Variants in CNTNAP2 observed in about 807,000 individuals in gnomAD.
CNTNAP2 encodes the protein contactin-associated protein-like 2.
CNTNAP2 carries 98 observed loss-of-function variants against 155.2 expected under a neutral mutation model. That is an observed-to-expected ratio of 0.63 (90% CI 0.54 to 0.75). The LOEUF (loss-of-function observed/expected upper bound fraction) is 0.75. Ranked by LOEUF, CNTNAP2 falls within the 30% of genes least tolerant of loss-of-function variation. CNTNAP2 has a pLI of 0.00. For missense variants in CNTNAP2, 1,727 were observed against 1,688.1 expected (o/e 1.02, Z -0.40); for synonymous variants, 651 against 631.2 (o/e 1.03, Z -0.47).
chr7:147,795,749 C>T (rs1797883331), intron 13 of CNTNAP2, among the ~76,000 whole-genome samples: 1 of 152,120 alleles, frequency 6.6e-6, no homozygotes. Context: ...CTGTTATTAA[C>T]TAGTTGAATG....
intron 1 of CNTNAP2, among the ~76,000 whole-genome samples, chr7:146,665,243 C>A (rs1296695723): frequency 6.6e-6 from 1 of 152,114 alleles, no homozygotes; most frequent in East Asian, 1.9e-4. Flanking sequence ...GCCACCGCGC[C>A]CGGCGTCTTG....
At chr7:146,535,227 T>TATATTATATCATATATCATATATATG (rs1797841258) in intron 1 of CNTNAP2, among the ~76,000 whole-genome samples, 1 of 18,432 alleles carries the variant, frequency 5.4e-5, no homozygotes, top group Non-Finnish European at 8.7e-5. Context: ...TTATATCATA[T>TATATTATATCATATATCATATATATG]ATATTATATC....
intron 9 of CNTNAP2, among the ~76,000 whole-genome samples, chr7:147,381,864 C>A: frequency 6.6e-6 from 1 of 150,826 alleles, no homozygotes; most frequent in Non-Finnish European, 1.5e-5. Flanking sequence ...GATGGGAAAC[C>A]CACAAATACT....
chr7:147,386,365 G>A (rs1796625617), intron 9 of CNTNAP2, among the ~76,000 whole-genome samples: 2 of 152,138 alleles, frequency 1.3e-5, no homozygotes, highest in African/African-American at 2.4e-5. Flanking sequence ...ACATTGTCAG[G>A]TTGTAAATTT....
At chr7:148,203,371 A>G (rs932737605) in intron 18 of CNTNAP2, among the ~76,000 whole-genome samples, 4 of 152,240 alleles carry the variant, frequency 2.6e-5, no homozygotes, top group African/African-American at 9.6e-5. Context: ...GTTCTCCAGC[A>G]TCTGCACATG....
chr7:146,653,485 G>T (rs1190056410), intron 1 of CNTNAP2, among the ~76,000 whole-genome samples: 1 of 152,018 alleles, frequency 6.6e-6, no homozygotes, highest in African/African-American at 2.4e-5. Flanking sequence ...AATAACAATA[G>T]AACATTTGTA....
chr7:148,333,386 C>T (rs542279214), intron 21 of CNTNAP2, among the ~76,000 whole-genome samples: 6 of 151,448 alleles, frequency 4.0e-5, no homozygotes, highest in East Asian at 1.9e-4. Context: ...CGAGATTGCG[C>T]GACTGTGCTC....
intron 1 of CNTNAP2, among the ~76,000 whole-genome samples, chr7:146,604,726 A>T (rs1206526327): frequency 7.2e-6 from 1 of 137,960 alleles, no homozygotes; most frequent in African/African-American, 2.6e-5. Context: ...CATATACACC[A>T]TGGAATACTA....
intron 3 of CNTNAP2, among the ~76,000 whole-genome samples, chr7:146,852,954 T>C (rs549013341): frequency 6.6e-6 from 1 of 152,328 alleles, no homozygotes; most frequent in South Asian, 2.1e-4. Context: ...TTCAGCTTTG[T>C]TACAGTATAC....
intron 15 of CNTNAP2, among the ~76,000 whole-genome samples, chr7:148,033,229 T>A (rs1321925658): frequency 6.6e-6 from 1 of 152,174 alleles, no homozygotes; most frequent in African/African-American, 2.4e-5. Context: ...ATATACATTA[T>A]AATTGGGTAA....
chr7:147,248,692 C>T lies in CNTNAP2; in HGVS notation c.1349-51449C>T, dbSNP rs537208582. Among the ~76,000 whole-genome samples, 3 of 152,250 alleles carry T rather than the reference C, an allele frequency of 2.0e-5. No individual in the cohort carries two copies. In the South Asian group the frequency reaches 6.2e-4, roughly 32 times the overall value. ...GATGATGAGCATGCCCATAGTCTTG[C>T]TATTTAAACAATGATTATTAGGCCA... On this transcript the variant is annotated intron_variant, in intron 8 of 23. Transcript: ENST00000361727.
At chr7:147,895,744 T>A (rs1290667618) in intron 13 of CNTNAP2, among the ~76,000 whole-genome samples, 1 of 152,224 alleles carries the variant, frequency 6.6e-6, no homozygotes, top group Non-Finnish European at 1.5e-5. Flanking sequence ...AAAAGTAGCA[T>A]TTCATTAGCA....
Position 146,748,143 on chromosome 7 carries a change from C to CTTTTTTTTTT in CNTNAP2, c.98-26117_98-26108dup, listed in dbSNP as rs61495352. Among the ~76,000 whole-genome samples the CTTTTTTTTTT allele has an allele frequency of 1.7e-3, 170 of 97,898 alleles. 1 individual carries two copies. The highest frequency in any genetic ancestry group is 6.6e-3 in the Middle Eastern group (1 of 152). 64.2% of individuals were successfully genotyped at this position (97,898 alleles called of 152,430 possible). On this transcript the variant is annotated intron_variant, in intron 1 of 23. Transcript: ENST00000361727. ...GTGGTGTTTTCTTTTCTTTTCTTTT[C>CTTTTTTTTTT]TTTTTTTTTTTTTTTTTTTTGAGAA...
chr7:148,089,467 A>G (rs1260953308), intron 15 of CNTNAP2, among the ~76,000 whole-genome samples: 1 of 152,074 alleles, frequency 6.6e-6, no homozygotes, highest in Non-Finnish European at 1.5e-5. Context: ...GTAGGATACA[A>G]AATCAACATA....
chr7:146,532,811 G>A (rs540942069), intron 1 of CNTNAP2, among the ~76,000 whole-genome samples: 88 of 152,152 alleles, frequency 5.8e-4, no homozygotes, highest in Non-Finnish European at 1.1e-3. Flanking sequence ...TTGGCCAGGC[G>A]TGGTGGATCA....
chr7:148,415,517 G>A lies in CNTNAP2; in HGVS notation c.3897G>A (p.Lys1299=). ...HKGTYHTNEA[K]GAESAESADA... ...GCACCTACCATACCAACGAAGCAAA[G>A]GGGGCGGAGTCGGCAGAGAGCGCGG... The change falls in exon 24 of 24, where the codon AAG becomes AAA. Residue 1299 remains lysine (K), a synonymous_variant. Transcript: ENST00000361727. The A allele has an allele frequency of 6.2e-7, 1 of 1,614,240 alleles. No homozygotes were observed.
chr7:147,516,700 C>G (rs556139120), intron 11 of CNTNAP2, among the ~76,000 whole-genome samples: 46 of 151,426 alleles, frequency 3.0e-4, no homozygotes, highest in African/African-American at 1.1e-3. Flanking sequence ...GCACGATGCA[C>G]AAAAATTCAT....
intron 13 of CNTNAP2, among the ~76,000 whole-genome samples, chr7:147,783,368 G>A (rs776298600): frequency 6.6e-6 from 1 of 152,154 alleles, no homozygotes; most frequent in South Asian, 2.1e-4. Context: ...TTAAGAATAA[G>A]TTGTATAGAA....
intron 11 of CNTNAP2, among the ~76,000 whole-genome samples, chr7:147,544,126 C>A (rs75705469): frequency 2.8e-3 from 433 of 152,158 alleles, no homozygotes; most frequent in African/African-American, 9.8e-3. Context: ...AACCTATTAC[C>A]AAAGCCATCA....
Sources: gnomAD v4.1 joint callset for allele counts (sites outside exome capture counted in the v4.1 genomes callset) on GRCh38, gnomAD v4.1.1 for gene constraint, MANE v1.5 for transcripts, NCBI Gene and HGNC (gene_info 2026-07-23, HGNC 2026-07-21) for gene names.